The following FOXP2 variants were observed in gnomAD, a reference collection of about 807,000 sequenced individuals.
FOXP2 encodes forkhead box protein P2.
A neutral mutation model predicts 115.8 loss-of-function variants in FOXP2; 12 were observed. The observed-to-expected ratio is 0.10, with a 90% confidence interval of 0.07 to 0.17. The LOEUF (loss-of-function observed/expected upper bound fraction) is 0.17, where lower values mean the gene tolerates loss of function less well. FOXP2 is among the 10% of genes least tolerant of loss of function. The pLI is 1.00. For synonymous variants in FOXP2, 328 were observed against 297.7 expected (o/e 1.10, Z -1.05); for missense variants, 629 against 843.5 (o/e 0.75, Z 3.15).
In FOXP2 at chr7:114,332,148, G is replaced by T. The variant is rs117526034; in HGVS notation, c.-11+44039G>T. 3.9e-5 allele frequency among the ~76,000 whole-genome samples: 6 copies of T among 152,210 alleles called. No individual in the cohort carries two copies. The East Asian group carries it at 1.2e-3, about 29-fold the overall frequency. On this transcript the variant is annotated intron_variant, in intron 2 of 17. Coordinates refer to the FOXP2 transcript ENST00000634411. The stretch of plus-strand genomic sequence containing the variant: ...TGTGTGTGCGTGTGTGTGTGCATGA[G>T]TAGGGGGTAATGTTTCTAGACTATT...
chr7:114,693,675 C>A lies in FOXP2; in HGVS notation c.*3749C>A, dbSNP rs188138100. ...TTAATGTATGAACAGTGTGTCACTG[C>A]TGTTGGATGTAAAAATGTATATGAA... On this transcript the variant is annotated 3_prime_UTR_variant, in exon 17 of 17. Transcript: ENST00000350908. 3.8e-4 allele frequency: 147 copies of A among 382,534 alleles called. No homozygotes were observed. The highest frequency in any genetic ancestry group is 5.8e-4 in the Non-Finnish European group (113 of 193,954). 23.7% of individuals were successfully genotyped at this position (382,534 alleles called of 1,614,324 possible).
chr7:114,092,779 G>C lies in FOXP2; in HGVS notation c.-247+4941G>C, dbSNP rs965910865. Among the ~76,000 whole-genome samples, 113 of 151,956 alleles carry C rather than the reference G, an allele frequency of 7.4e-4. 2 individuals are homozygous for C. Among genetic ancestry groups the C allele is most frequent in the Admixed American group, 7.4e-3 (113 of 15,258 alleles). On this transcript the variant is annotated intron_variant, in intron 1 of 19. Transcript: ENST00000635638. ...TTACCTCACCCAAATTTATGTTCCA[G>C]GATTTGGTTGATCTATGTCTGTATG...
At chr7:114,437,391 T>A (rs972718504) in intron 2 of FOXP2, among the ~76,000 whole-genome samples, 8 of 152,226 alleles carry the variant, frequency 5.3e-5, no homozygotes, top group African/African-American at 1.4e-4. Context: ...GCGCCTTAGA[T>A]GATCGTTACC....
At chr7:114,136,450 A>C (rs1261316633) in intron 1 of FOXP2, among the ~76,000 whole-genome samples, 1 of 152,024 alleles carries the variant, frequency 6.6e-6, no homozygotes, top group Non-Finnish European at 1.5e-5. Context: ...GTGTGGTGTA[A>C]ACTAGAATTT....
chr7:114,573,498 G>A (rs921181080), intron 3 of FOXP2, among the ~76,000 whole-genome samples: 1 of 151,666 alleles, frequency 6.6e-6, no homozygotes, highest in East Asian at 1.9e-4. Context: ...GGTACCTAAA[G>A]CCTGCCATAT....
At chr7:114,234,441 C>A (rs1271577165) in intron 1 of FOXP2, among the ~76,000 whole-genome samples, 1 of 152,150 alleles carries the variant, frequency 6.6e-6, no homozygotes, top group Non-Finnish European at 1.5e-5. Context: ...ACTAAACATC[C>A]AATGCAGTCG....
intron 3 of FOXP2, among the ~76,000 whole-genome samples, chr7:114,553,183 G>A (rs1209407256): frequency 3.3e-5 from 5 of 152,160 alleles, no homozygotes; most frequent in African/African-American, 1.2e-4. Flanking sequence ...CGAATATAGA[G>A]CTGGAGTTAG....
chr7:114,324,690 G>A (rs746571023), intron 2 of FOXP2, among the ~76,000 whole-genome samples: 1 of 151,498 alleles, frequency 6.6e-6, no homozygotes, highest in Non-Finnish European at 1.5e-5. Context: ...CTACAGAAAT[G>A]GTATTATTAT....
intron 2 of FOXP2, among the ~76,000 whole-genome samples, chr7:114,368,079 A>G (rs1791922641): frequency 6.6e-6 from 1 of 152,174 alleles, no homozygotes; most frequent in South Asian, 2.1e-4. Context: ...TTAAAAGCTG[A>G]AAGGCATGCT....
intron 2 of FOXP2, among the ~76,000 whole-genome samples, chr7:114,344,340 A>T (rs974586904): frequency 2.6e-5 from 4 of 151,820 alleles, no homozygotes; most frequent in African/African-American, 9.7e-5. Flanking sequence ...TCTTTGTTGT[A>T]CAAAATGACA....
intron 1 of FOXP2, among the ~76,000 whole-genome samples, chr7:114,134,050 G>C (rs1409417928): frequency 6.6e-6 from 1 of 152,200 alleles, no homozygotes; most frequent in East Asian, 1.9e-4. Context: ...AGGAGAACTT[G>C]AGAAGTGTGG....
At chr7:114,337,676 T>C (rs527371772) in intron 2 of FOXP2, among the ~76,000 whole-genome samples, 10 of 151,352 alleles carry the variant, frequency 6.6e-5, no homozygotes, top group Admixed American at 5.3e-4. Context: ...GTCATAATTA[T>C]TGTAAATATT....
At chr7:114,098,665 T>G (rs1799705443) in intron 1 of FOXP2, among the ~76,000 whole-genome samples, 1 of 152,172 alleles carries the variant, frequency 6.6e-6, no homozygotes, top group Non-Finnish European at 1.5e-5. Context: ...GGCAATGATT[T>G]TTTTTGGAAG....
chr7:114,272,287 T>A (rs1796083338), intron 1 of FOXP2, among the ~76,000 whole-genome samples: 1 of 151,478 alleles, frequency 6.6e-6, no homozygotes, highest in Non-Finnish European at 1.5e-5. Flanking sequence ...GGTTTATTAA[T>A]ATTTTGTTGA....
chr7:114,436,943 G>A (rs2129210278), intron 2 of FOXP2, among the ~76,000 whole-genome samples: 1 of 152,242 alleles, frequency 6.6e-6, no homozygotes, highest in East Asian at 1.9e-4. Flanking sequence ...ATTTCGATTA[G>A]CTTAGTTTGT....
chr7:114,631,305 T>C (rs945859598), intron 5 of FOXP2, among the ~76,000 whole-genome samples: 16 of 152,204 alleles, frequency 1.1e-4, no homozygotes, highest in Non-Finnish European at 1.5e-5. Flanking sequence ...CCTTGCTCCA[T>C]ACTTTTTTGA....
intron 16 of FOXP2, chr7:114,665,959 G>A (rs1481468085): frequency 6.6e-6 from 1 of 151,978 alleles, no homozygotes; most frequent in Non-Finnish European, 1.5e-5. Flanking sequence ...CTAAATTGTA[G>A]CATTGTTAGA....
Position 114,659,361 on chromosome 7 carries a change from G to A in FOXP2, c.1474G>A (p.Ala492Thr), listed in dbSNP as rs1280238984. Residue 492 changes from alanine (A) to threonine (T), a missense_variant, in exon 12 of 17, where the codon GCC becomes ACC. Ala to Thr is a moderately conservative substitution (Grantham distance 58). This residue lies in a region of FOXP2 where 101 missense variants were observed against 116.0 expected (regional missense o/e 0.87). Coordinates refer to ENST00000350908, the MANE Select transcript of FOXP2 (RefSeq NM_014491.4). ...KYNIPMSSEI[A>T]PNYEFYKNAD... ...CCTAGTTTTTATTTTTATAGAAATT[G>A]CCCCAAACTATGAATTTTATAAAAA... 8.1e-6 allele frequency: 13 copies of A among 1,605,974 alleles called. No homozygotes were observed. The highest frequency in any genetic ancestry group is 4.4e-5 in the South Asian group (4 of 90,886).
At chr7:114,361,592 C>A (rs1791745900) in intron 2 of FOXP2, among the ~76,000 whole-genome samples, 1 of 152,036 alleles carries the variant, frequency 6.6e-6, no homozygotes, top group Non-Finnish European at 1.5e-5. Context: ...AGATAGTCAA[C>A]TAGTTTTTGT....
Sources: gnomAD v4.1 joint callset for allele counts (sites outside exome capture counted in the v4.1 genomes callset) on GRCh38, gnomAD v4.1.1 for gene constraint, gnomAD v4.1.1 regional missense constraint, MANE v1.5 for transcripts, NCBI Gene and HGNC (gene_info 2026-07-23, HGNC 2026-07-21) for gene names.